Variants in APLP1 observed in about 807,000 individuals in gnomAD.
APLP1 encodes amyloid beta precursor like protein 1, also known as amyloid beta (A4) precursor-like protein 1.
A neutral mutation model predicts 84.5 loss-of-function variants in APLP1; 46 were observed. The ratio of observed to expected loss-of-function variants is 0.54; its 90% CI spans 0.43 to 0.70. The LOEUF is 0.70. Ranked by LOEUF, APLP1 falls within the 30% of genes least tolerant of loss-of-function variation. The pLI, the probability that APLP1 is intolerant of heterozygous loss-of-function variation, is 0.00. For missense variants in APLP1, 826 were observed against 900.2 expected (o/e 0.92, Z 1.05); for synonymous variants, 376 against 364.0 (o/e 1.03, Z -0.38).
At chr19:35,877,275 G>A (rs1398805657) in intron 11 of APLP1, among the ~76,000 whole-genome samples, 1 of 152,052 alleles carries the variant, frequency 6.6e-6, no homozygotes, top group Non-Finnish European at 1.5e-5. Context: ...GATCACTTGA[G>A]GTCAGGAGTT....
In APLP1 at chr19:35,874,887, G is replaced by T. The variant is rs772241727; in HGVS notation, c.1344+18G>T. ...GCTTCCAGGTGCTCACATCCTTCCA[G>T]CTCCCAAATGCGCCGCTATTCCTCA... On this transcript the variant is annotated intron_variant, in intron 10 of 16. Coordinates refer to ENST00000221891, the MANE Select transcript of APLP1 (RefSeq NM_001024807.3). This position sits in a 1 kb window ranked among gnomAD's most constrained non-coding sequence, Gnocchi z 6.4. 1 of 1,603,152 alleles carries T rather than the reference G, an allele frequency of 6.2e-7. No individual in the cohort carries two copies. The highest frequency in any genetic ancestry group is 1.3e-5 in the African/African-American group (1 of 74,956).
intron 2 of APLP1, 61 bp from the exon 3 acceptor site, chr19:35,870,835 G>A (rs1974123917): frequency 6.4e-7 from 1 of 1,559,106 alleles, no homozygotes; most frequent in Non-Finnish European, 8.6e-7. Context: ...CCTGACTACT[G>A]GAGAGGGGTG....
Position 35,879,763 on chromosome 19 carries a change from A to C in APLP1, c.*322A>C. 3.2e-6 allele frequency: 1 copy of C among 310,026 alleles called. No homozygotes were observed. Among genetic ancestry groups the C allele is most frequent in the Non-Finnish European group, 6.0e-6 (1 of 167,586 alleles). The allele number at this position is 310,026 out of a possible 1,614,324, so 19.2% of individuals were successfully genotyped here. Reference sequence around the variant, plus strand: ...ATTCACCCTCTCATGTTTCCCTACTAACATCCCAATAAAGTCCTCTTCCCT... The same window carrying C: ...ATTCACCCTCTCATGTTTCCCTACTCACATCCCAATAAAGTCCTCTTCCCT... On this transcript the variant is annotated 3_prime_UTR_variant, in exon 17 of 17. Transcript: ENST00000221891.
At position 35,874,175 on chromosome 19, in the gene APLP1, A is replaced by T. The variant is rs1974225833; in HGVS notation, c.1057-329A>T. ...CCCACCCCTATCGTGTCATTTATAC[A>T]CAGCCTGTCTCCAGTTTGACCCTGC... On this transcript the variant is annotated intron_variant, in intron 8 of 16. Coordinates refer to ENST00000221891, the MANE Select transcript of APLP1 (RefSeq NM_001024807.3). This position sits in a 1 kb window ranked among gnomAD's most constrained non-coding sequence, Gnocchi z 6.4. 6.6e-6 allele frequency among the ~76,000 whole-genome samples: 1 copy of T among 152,042 alleles called. No individual in the cohort carries two copies. The highest frequency in any genetic ancestry group is 1.5e-5 in the Non-Finnish European group (1 of 68,004).
Position 35,871,734 on chromosome 19 carries a change from G to A in APLP1, c.660G>A (p.Gly220=). Residue 220 remains glycine (G), a synonymous_variant, in exon 5 of 17, where the codon GGG becomes GGA. Transcript: ENST00000221891. ...CPPPGTPDPS[G]TAVGDPSTRS... The stretch of plus-strand genomic sequence containing the variant: ...CTCCAGGGACCCCCGACCCATCTGG[G>A]ACAGCAGTTGGGTGAGTGGGAGGGA... The A allele has an allele frequency of 1.2e-6, 2 of 1,614,102 alleles. No homozygotes were observed. The highest frequency in any genetic ancestry group is 1.3e-5 in the African/African-American group (1 of 75,030).
chr19:35,872,408 A>C, intron 6 of APLP1, 75 bp from the exon 7 acceptor site: 1 of 1,560,258 alleles, frequency 6.4e-7, no homozygotes, highest in East Asian at 2.3e-5. Flanking sequence ...GCACTCTAGG[A>C]AATGTGGTTC....
chr19:35,869,637 G>C (rs1322532851), intron 1 of APLP1, 30 bp from the exon 2 acceptor site: 17 of 1,608,886 alleles, frequency 1.1e-5, no homozygotes, highest in Non-Finnish European at 1.4e-5. Context: ...CGCCCCCCGA[G>C]CCCTCACTGT....
chr19:35,878,227 C>A, intron 13 of APLP1, 119 bp downstream of exon 13: 2 of 1,102,186 alleles, frequency 1.8e-6, no homozygotes, highest in Admixed American at 2.3e-5. Flanking sequence ...GATGTACTTT[C>A]CAGCCCCCTC....
chr19:35,869,436 A>C, intron 1 of APLP1: 1 of 673,412 alleles, frequency 1.5e-6, no homozygotes, highest in Non-Finnish European at 2.6e-6. Flanking sequence ...TCTCCGCGGC[A>C]ACAAGGCAGA....
chr19:35,877,153 C>T (rs1974299866), intron 11 of APLP1, among the ~76,000 whole-genome samples: 1 of 152,140 alleles, frequency 6.6e-6, no homozygotes. Flanking sequence ...GTGTCTTTCT[C>T]CTGGATATCT....
rs1224616284 is a variant in APLP1 at position 35,871,029 on chromosome 19, G to A, written c.424+1G>A. 2 of 1,524,052 alleles carry A rather than the reference G, an allele frequency of 1.3e-6. No individual in the cohort carries two copies. The highest frequency in any genetic ancestry group is 1.8e-6 in the Non-Finnish European group (2 of 1,135,176). The allele number at this position is 1,524,052 out of a possible 1,614,324, so 94.4% of individuals were successfully genotyped here. ...CAGGTTGTGCCCTTCCGCTGCCTGCGTGAGTCCCAGGCGGGGAGAGGGGAA... is the reference window on the plus strand; with the variant it reads ...CAGGTTGTGCCCTTCCGCTGCCTGCATGAGTCCCAGGCGGGGAGAGGGGAA... On this transcript the variant is annotated splice_donor_variant, in intron 3 of 16. Coordinates refer to ENST00000221891, the MANE Select transcript of APLP1 (RefSeq NM_001024807.3). LOFTEE classifies it high-confidence loss of function.
rs768503965 is a variant in APLP1 at position 35,871,794 on chromosome 19, G to T, written c.671+49G>T. 4.3e-6 allele frequency: 7 copies of T among 1,613,342 alleles called. No individual in the cohort carries two copies. In the African/African-American group the frequency reaches 8.0e-5, roughly 18 times the overall value. On this transcript the variant is annotated intron_variant, in intron 5 of 16. Coordinates refer to ENST00000221891, the MANE Select transcript of APLP1 (RefSeq NM_001024807.3). ...GCCCATCTCAAGGTTCCTGAGGCAG[G>T]GGATGGAAGCCTGGGAGCCCAGGCC...
intron 12 of APLP1, 109 bp from the exon 13 acceptor site, chr19:35,877,973 A>C (rs1974323152): frequency 7.3e-7 from 1 of 1,375,996 alleles, no homozygotes; most frequent in Admixed American, 2.0e-5. Flanking sequence ...GGGCCTCTGT[A>C]GGATCCCCAA....
chr19:35,872,393 C>T, intron 6 of APLP1, 90 bp from the exon 7 acceptor site: 1 of 1,529,316 alleles, frequency 6.5e-7, no homozygotes, highest in Admixed American at 1.9e-5. Context: ...ATGATGGTCT[C>T]CAGTGCACTC....
At chr19:35,878,167 G>T (rs370427208) in intron 13 of APLP1, 59 bp downstream of exon 13, 2 of 1,564,540 alleles carry the variant, frequency 1.3e-6, no homozygotes, top group Non-Finnish European at 1.7e-6. Flanking sequence ...GAACCCAGAA[G>T]GAAACAGGGT....
In APLP1 at chr19:35,877,606, C is replaced by G. The variant is rs45527839; in HGVS notation, c.1445-112C>G. On this transcript the variant is annotated intron_variant, in intron 11 of 16. Transcript: ENST00000221891. ...AGATCACACTTCTGGCTACCCCACACTTGGGGCTGACTCTGCTGTCTGCAT... is the reference window on the plus strand; with the variant it reads ...AGATCACACTTCTGGCTACCCCACAGTTGGGGCTGACTCTGCTGTCTGCAT... 1,600 of 678,056 alleles carry G rather than the reference C, an allele frequency of 2.4e-3. 13 individuals carry two copies. The highest frequency in any genetic ancestry group is 0.014 in the Middle Eastern group (37 of 2,590). 42.0% of individuals were successfully genotyped at this position (678,056 alleles called of 1,614,324 possible). A position where few individuals can be genotyped will look rare whatever the true frequency, so the allele number is the denominator to read the frequency against.
Position 35,869,487 on chromosome 19 carries a change from G to A in APLP1, c.148-180G>A. 5.9e-6 allele frequency: 5 copies of A among 850,514 alleles called. No individual in the cohort carries two copies. The Admixed American group carries it at 7.7e-5, about 13-fold the overall frequency. The allele number at this position is 850,514 out of a possible 1,614,324, so 52.7% of individuals were successfully genotyped here. ...CCCAGGTCGCCATAGCAACGGGAGC[G>A]CTGGGGCGCCCCCGCCCTACGGGAG... On this transcript the variant is annotated intron_variant, in intron 1 of 16. Coordinates refer to ENST00000221891, the MANE Select transcript of APLP1 (RefSeq NM_001024807.3).
Position 35,868,600 on chromosome 19 carries a change from G to A in APLP1, c.-37G>A, listed in dbSNP as rs1039866935. 8 of 1,237,332 alleles carry A rather than the reference G, an allele frequency of 6.5e-6. No individual in the cohort carries two copies. Among genetic ancestry groups the A allele is most frequent in the Middle Eastern group, 3.2e-4 (1 of 3,162 alleles). 76.6% of individuals were successfully genotyped at this position (1,237,332 alleles called of 1,614,324 possible). A position where few individuals can be genotyped will look rare whatever the true frequency, so the allele number is the denominator to read the frequency against. On this transcript the variant is annotated 5_prime_UTR_variant, in exon 1 of 17. Coordinates refer to ENST00000221891, the MANE Select transcript of APLP1 (RefSeq NM_001024807.3). The surrounding 1 kb of genome is among the most constrained non-coding windows in gnomAD (Gnocchi z 5.2). ...TGTCACCGCTGGGGCCGGGCCGGGC[G>A]GGAGTGCAGGGGACGTGAGGGCGCA...
Position 35,873,575 on chromosome 19 carries a change from T to C in APLP1, c.982-64T>C, listed in dbSNP as rs1042657538. 9.1e-6 allele frequency: 14 copies of C among 1,536,780 alleles called. No individual in the cohort carries two copies. In the Admixed American group the frequency reaches 1.7e-4, roughly 19 times the overall value. On this transcript the variant is annotated intron_variant, in intron 7 of 16. Transcript: ENST00000221891. ...GGGCTTCTAAAATCTTAAAGAGGGG[T>C]TGGGGGACTTGCCAGGTGGATCAGG...
Sources: allele counts gnomAD v4.1 joint callset (sites outside exome capture counted in the v4.1 genomes callset), GRCh38; gene constraint gnomAD v4.1.1; non-coding constraint Gnocchi (gnomAD v3.1); transcripts MANE v1.5; gene names NCBI Gene and HGNC (gene_info 2026-07-23, HGNC 2026-07-21).